TRIM66: variants seen among roughly 807,000 people sequenced by gnomAD.
TRIM66 encodes tripartite motif-containing protein 66.
In TRIM66, 99 loss-of-function variants were observed where a neutral mutation model predicts 148.2. The observed-to-expected ratio is 0.67, with a 90% CI of 0.57 to 0.79. The LOEUF is 0.79. Among genes scored for constraint, TRIM66 ranks in the 30% least tolerant of loss-of-function variants. TRIM66 has a pLI of 0.00. For missense variants in TRIM66, 1,666 were observed against 1,697.9 expected (o/e 0.98, Z 0.33); for synonymous variants, 616 against 635.9 (o/e 0.97, Z 0.47).
At chr11:8,642,907 A>G (rs4503528) in intron 13 of TRIM66, 102 bp downstream of exon 13, 321,934 of 464,474 alleles carry the variant, frequency 0.69, 111,900 homozygotes, top group Non-Finnish European at 0.73. Context: ...GCAGTCCCAG[A>G]GAGTGCTTTC....
rs148568946 is a variant in TRIM66 at position 8,623,534 on chromosome 11, A to C, written c.3020-658T>G. Reference sequence around the variant, plus strand: ...GTTGGCCTTTCAGTCAGTGTGAAAAAAAAGGAGAAAAATTATTTCTTTCGT... The same window carrying C: ...GTTGGCCTTTCAGTCAGTGTGAAAACAAAGGAGAAAAATTATTTCTTTCGT... On this transcript the variant is annotated intron_variant, in intron 17 of 24. Coordinates refer to ENST00000646038, the MANE Select transcript of TRIM66 (RefSeq NM_001388022.1). 2.8e-3 allele frequency among the ~76,000 whole-genome samples: 433 copies of C among 152,354 alleles called. 1 individual carries two copies. Among genetic ancestry groups the C allele is most frequent in the African/African-American group, 9.9e-3 (410 of 41,578 alleles).
chr11:8,682,669 T>G, upstream of TRIM66: 2 of 892,034 alleles, frequency 2.2e-6, no homozygotes, highest in South Asian at 2.7e-5. Context: ...AGGAAGCGAC[T>G]AGCAGGCGCG....
rs924142889 is a variant in TRIM66, at chr11:8,640,743, G to T, written c.1632C>A (p.Ser544=). The T allele has an allele frequency of 6.4e-7, 1 of 1,551,484 alleles. No individual in the cohort carries two copies. The highest frequency in any genetic ancestry group is 8.7e-7 in the Non-Finnish European group (1 of 1,146,996). Residue 544 remains serine, a synonymous_variant, in exon 14 of 25, where the codon TCC becomes TCA. Transcript: ENST00000646038. ...TQPPVEQEST[S]QRLGQQLTSQ... is the part of the protein sequence containing the mutation. ...AAGTCAGCTGCTGCCCCAGCCGCTG[G>T]GATGTGCTCTCCTGCTCCACGGGGG...
intron 4 of TRIM66, among the ~76,000 whole-genome samples, chr11:8,672,815 TAGAC>T (rs1272457099): frequency 6.6e-6 from 1 of 151,886 alleles, no homozygotes; most frequent in East Asian, 1.9e-4. Context: ...GTATTTTTAG[TAGAC>T]AGAGTTTCAC....
intron 6 of TRIM66, among the ~76,000 whole-genome samples, chr11:8,655,503 C>A (rs1034843498): frequency 1.3e-5 from 2 of 152,020 alleles, no homozygotes; most frequent in African/African-American, 4.8e-5. Flanking sequence ...TTCCTGGAGG[C>A]CAGGCACGGT....
At chr11:8,641,554 T>C (rs2036395899) in intron 13 of TRIM66, among the ~76,000 whole-genome samples, 2 of 152,180 alleles carry the variant, frequency 1.3e-5, no homozygotes. Flanking sequence ...TAGAGAGCCA[T>C]GCCTGGGACC....
At position 8,649,659 on chromosome 11, in the gene TRIM66, C is replaced by T. The variant is rs140541252; in HGVS notation, c.592+81G>A. On this transcript the variant is annotated intron_variant, in intron 8 of 24. Transcript: ENST00000646038. ...TTCTCCCCCAGCAAGAAAACAAGAT[C>T]GGAGAGCTATTCTCCAGGGATCTTA... 274 of 1,486,958 alleles carry T rather than the reference C, an allele frequency of 1.8e-4. No individual in the cohort carries two copies. The African/African-American group carries it at 3.2e-3, about 17-fold the overall frequency. The allele number at this position is 1,486,958 out of a possible 1,614,324, so 92.1% of individuals were successfully genotyped here. A position where few individuals can be genotyped will look rare whatever the true frequency, so the allele number is the denominator to read the frequency against.
chr11:8,667,049 C>T (rs1592193933), intron 6 of TRIM66, among the ~76,000 whole-genome samples: 1 of 152,104 alleles, frequency 6.6e-6, no homozygotes, highest in Non-Finnish European at 1.5e-5. Flanking sequence ...TTCTCCTGAC[C>T]TCAGGTGATC....
At chr11:8,641,689 T>G (rs1230040269) in intron 13 of TRIM66, among the ~76,000 whole-genome samples, 1 of 152,088 alleles carries the variant, frequency 6.6e-6, no homozygotes, top group Non-Finnish European at 1.5e-5. Flanking sequence ...AAATCTCATG[T>G]TGAATTGTAA....
At chr11:8,640,204 C>T (rs77450953) in intron 14 of TRIM66, 23 bp downstream of exon 14, 65,167 of 1,544,986 alleles carry the variant, frequency 0.042, 1,501 homozygotes, top group East Asian at 0.071. Flanking sequence ...AGAATATGCA[C>T]GCCAAGCCAC....
rs2037388178 is a variant in TRIM66 at position 8,651,846 on chromosome 11, T to TG, written c.397dup (p.His133ProfsTer10). 6.4e-7 allele frequency: 1 copy of TG among 1,551,600 alleles called. No homozygotes were observed. The highest frequency in any genetic ancestry group is 8.7e-7 in the Non-Finnish European group (1 of 1,146,986). On this transcript the variant is annotated frameshift_variant, in exon 7 of 25. Coordinates refer to ENST00000646038, the MANE Select transcript of TRIM66 (RefSeq NM_001388022.1). LOFTEE classifies it high-confidence loss of function. ...AGTAGGAACACAATGCAGAAAAAAA[T>TG]GTTCAGTTACATCCCTGGTAAGATA...
chr11:8,617,970 G>A lies in TRIM66; in HGVS notation c.4153C>T (p.Leu1385=), dbSNP rs557867460. ...CACACCTGAGAGATGCTGTTGGCCAGGCGAAATGACATTCTTTTTGCTCTT... is the reference window on the plus strand; with the variant it reads ...CACACCTGAGAGATGCTGTTGGCCAAGCGAAATGACATTCTTTTTGCTCTT... ...NERAKRMSFR[L]ANSISQV is the part of the protein sequence containing the mutation. Residue 1385 remains leucine (L), a synonymous_variant, in exon 25 of 25, where the codon CTG becomes TTG. Coordinates refer to ENST00000646038, the MANE Select transcript of TRIM66 (RefSeq NM_001388022.1). The A allele has an allele frequency of 1.3e-6, 2 of 1,551,538 alleles. No individual in the cohort carries two copies. The highest frequency in any genetic ancestry group is 1.4e-5 in the African/African-American group (1 of 73,032).
At chr11:8,638,060 T>G (rs2036043722) in intron 15 of TRIM66, among the ~76,000 whole-genome samples, 2 of 152,228 alleles carry the variant, frequency 1.3e-5, no homozygotes, top group Admixed American at 1.3e-4. Flanking sequence ...GTGTCTCAGC[T>G]GCTCATCTAC....
chr11:8,665,117 A>G (rs979105858), intron 6 of TRIM66, among the ~76,000 whole-genome samples: 1 of 138,026 alleles, frequency 7.2e-6, no homozygotes, highest in Admixed American at 7.1e-5. Context: ...ATTTTACTTT[A>G]AAAAAAAAAA....
intron 7 of TRIM66, among the ~76,000 whole-genome samples, chr11:8,651,239 C>A (rs2037328874): frequency 6.6e-6 from 1 of 152,032 alleles, no homozygotes. Context: ...CAACACAAAT[C>A]AGATACAGGA....
chr11:8,654,494 T>C (rs1417423277), intron 6 of TRIM66: 2 of 152,244 alleles, frequency 1.3e-5, no homozygotes, highest in Admixed American at 6.5e-5. Context: ...AGTTAATTAG[T>C]CCCTCTTCTG....
At chr11:8,623,217 A>G (rs577591965) in intron 17 of TRIM66, among the ~76,000 whole-genome samples, 1 of 152,332 alleles carries the variant, frequency 6.6e-6, no homozygotes, top group East Asian at 1.9e-4. Flanking sequence ...GCCTCCTCTG[A>G]GGAGTCTTTT....
In TRIM66 at chr11:8,621,044, A is replaced by G; in HGVS notation, c.3533T>C (p.Leu1178Pro). ...TGGCATGACTCACCCTGGGAAGCTGAGCAAGGCTGGCACATGGCAGGAGAG... is the reference window on the plus strand; with the variant it reads ...TGGCATGACTCACCCTGGGAAGCTGGGCAAGGCTGGCACATGGCAGGAGAG... ...FHLSCHVPAL[L>P]SFPGGEWVCT... Residue 1178 changes from leucine (L) to proline (P), a missense_variant, in exon 20 of 25, where the codon CTC becomes CCC. Physicochemically the swap from Leu to Pro is moderately conservative, Grantham distance 98. Coordinates refer to ENST00000646038, the MANE Select transcript of TRIM66 (RefSeq NM_001388022.1). 1 of 1,551,572 alleles carries G rather than the reference A, an allele frequency of 6.4e-7. No individual in the cohort carries two copies. Among genetic ancestry groups the G allele is most frequent in the Non-Finnish European group, 8.7e-7 (1 of 1,146,898 alleles).
chr11:8,680,273 G>A (rs537351610), intron 1 of TRIM66, among the ~76,000 whole-genome samples: 4 of 152,300 alleles, frequency 2.6e-5, no homozygotes, highest in African/African-American at 9.6e-5. Context: ...ATATTCTGTT[G>A]GTCATAAGGA....
Sources: gnomAD v4.1 joint callset for allele counts (sites outside exome capture counted in the v4.1 genomes callset) on GRCh38, gnomAD v4.1.1 for gene constraint, MANE v1.5 for transcripts, NCBI Gene and HGNC (gene_info 2026-07-23, HGNC 2026-07-21) for gene names.